Variants in GSE1 observed in about 807,000 individuals in gnomAD.
GSE1 encodes genetic suppressor element 1.
Under a neutral mutation model 112.6 loss-of-function variants are expected in GSE1, and 32 were observed. The observed-to-expected ratio is 0.28, with a 90% CI of 0.21 to 0.38. GSE1 has a LOEUF of 0.38. Among genes scored for constraint, GSE1 ranks in the 10% least tolerant of loss-of-function variants. The probability of loss-of-function intolerance (pLI) is 1.00; values close to 1 mark genes in which losing one functional copy is unlikely to be tolerated. For missense variants in GSE1, 2,348 were observed against 1,699.2 expected (o/e 1.38, Z -6.71); for synonymous variants, 1,115 against 735.6 (o/e 1.52, Z -8.35).
chr16:85,642,502 A>AG (rs2050524907), intron 2 of GSE1, among the ~76,000 whole-genome samples: 1 of 152,080 alleles, frequency 6.6e-6, no homozygotes, highest in African/African-American at 2.4e-5. Context: ...GGGCTGAGAC[A>AG]GGGGTCTGTC....
chr16:85,541,833 C>A (rs979479003), intron 2 of GSE1, among the ~76,000 whole-genome samples: 1 of 152,154 alleles, frequency 6.6e-6, no homozygotes, highest in Non-Finnish European at 1.5e-5. Context: ...CTTGGTGTGA[C>A]CTTGGGCTGA....
rs1213601239 is a variant in GSE1, at chr16:85,673,507, T to C, written c.*968T>C. Reference sequence around the variant, plus strand: ...AAAAAAAAAAAAACCTTGCTTTTAGTGTTTGTACTGCTGCTGGTCAGGACA... The same window carrying C: ...AAAAAAAAAAAAACCTTGCTTTTAGCGTTTGTACTGCTGCTGGTCAGGACA... On this transcript the variant is annotated 3_prime_UTR_variant, in exon 16 of 16. Coordinates refer to ENST00000253458, the MANE Select transcript of GSE1 (RefSeq NM_014615.5). 3 of 151,118 alleles carry C rather than the reference T, an allele frequency of 2.0e-5. No individual in the cohort carries two copies. Among genetic ancestry groups the C allele is most frequent in the African/African-American group, 4.9e-5 (2 of 41,032 alleles). 9.4% of individuals were successfully genotyped at this position (151,118 alleles called of 1,614,324 possible). A position where few individuals can be genotyped will look rare whatever the true frequency, so the allele number is the denominator to read the frequency against.
Position 85,171,780 on chromosome 16 carries a change from G to A in GSE1, c.2256G>A (p.Trp752Ter). ...TCACCCGCCAAGGACCCATGAGCTG[G>A]AGCTCCCCGGTGGCAGCAGCGACGA... The change falls in exon 1 of 3, where the codon TGG becomes TGA. Residue 752 changes from tryptophan (W) to a stop codon, truncating the protein, a stop_gained. Transcript: ENST00000637419. LOFTEE classifies it high-confidence loss of function. 1 of 985,620 alleles carries A rather than the reference G, an allele frequency of 1.0e-6. No homozygotes were observed. Among genetic ancestry groups the A allele is most frequent in the Non-Finnish European group, 1.2e-6 (1 of 830,070 alleles). The allele number at this position is 985,620 out of a possible 1,614,324, so 61.1% of individuals were successfully genotyped here. A position where few individuals can be genotyped will look rare whatever the true frequency, so the allele number is the denominator to read the frequency against.
chr16:85,313,711 C>T (rs114331025), intron 1 of GSE1, among the ~76,000 whole-genome samples: 7,330 of 152,284 alleles, frequency 0.048, 611 homozygotes, highest in African/African-American at 0.17. Flanking sequence ...AGGAAGCCCG[C>T]GGAGAGCTGT....
intron 11 of GSE1, among the ~76,000 whole-genome samples, chr16:85,664,286 C>G (rs1308459568): frequency 6.6e-6 from 1 of 152,240 alleles, no homozygotes; most frequent in African/African-American, 2.4e-5. Context: ...TCGTGGGCCC[C>G]TGGCCTCCTC....
chr16:85,354,950 C>T (rs2046921891), intron 1 of GSE1, among the ~76,000 whole-genome samples: 1 of 152,194 alleles, frequency 6.6e-6, no homozygotes, highest in African/African-American at 2.4e-5. Flanking sequence ...TACCCTGGGC[C>T]CTGAGTGAGT....
chr16:85,522,552 G>A (rs1454595502), intron 2 of GSE1, among the ~76,000 whole-genome samples: 1 of 152,224 alleles, frequency 6.6e-6, no homozygotes, highest in African/African-American at 2.4e-5. Context: ...TGTGTCTCCG[G>A]CCTTAGCTCA....
At chr16:85,266,949 G>A (rs1908308405) in intron 1 of GSE1, among the ~76,000 whole-genome samples, 2 of 152,178 alleles carry the variant, frequency 1.3e-5, no homozygotes, top group African/African-American at 2.4e-5. Flanking sequence ...TGCTCAGCGC[G>A]GGGACAGGAG....
chr16:85,657,635 G>A (rs2052079274), intron 8 of GSE1, 31 bp downstream of exon 8: 1 of 1,418,174 alleles, frequency 7.1e-7, no homozygotes. Flanking sequence ...AAGGAGGGAT[G>A]AGCCTTCACG....
At position 85,319,281 on chromosome 16, in the gene GSE1, C is replaced by T. The variant is rs139257613; in HGVS notation, c.2284-38182C>T. Among the ~76,000 whole-genome samples, 602 of 152,330 alleles carry T rather than the reference C, an allele frequency of 4.0e-3. 3 individuals are homozygous for T. The highest frequency in any genetic ancestry group is 0.014 in the African/African-American group (570 of 41,572). On this transcript the variant is annotated intron_variant, in intron 1 of 2. Transcript: ENST00000637419. ...AGGCGTGTGACCCAGAACTTGCGATCGGTGCCAGGGCACTGGGTGGGACAG... is the reference window on the plus strand; with the variant it reads ...AGGCGTGTGACCCAGAACTTGCGATTGGTGCCAGGGCACTGGGTGGGACAG...
intron 1 of GSE1, among the ~76,000 whole-genome samples, chr16:85,597,384 AAAAAAAAAAAAAAAG>A (rs1310009832): frequency 1.3e-5 from 2 of 150,390 alleles, no homozygotes; most frequent in African/African-American, 4.9e-5. Context: ...AAAAAAAAAA[AAAAAAAAAAAAAAAG>A]AAGAAGAAAG....
intron 1 of GSE1, among the ~76,000 whole-genome samples, chr16:85,323,621 A>G (rs777667299): frequency 6.6e-6 from 1 of 152,082 alleles, no homozygotes; most frequent in Non-Finnish European, 1.5e-5. Flanking sequence ...GAACCTGCCA[A>G]CTCTCAGAGG....
chr16:85,237,800 C>T (rs1051209018), intron 1 of GSE1, among the ~76,000 whole-genome samples: 1 of 150,212 alleles, frequency 6.7e-6, no homozygotes, highest in African/African-American at 2.5e-5. Flanking sequence ...ATCGCGCCAC[C>T]GCACTCCAGT....
chr16:85,359,552 G>T (rs891591003), intron 2 of GSE1: 1 of 375,356 alleles, frequency 2.7e-6, no homozygotes, highest in Non-Finnish European at 5.4e-6. Flanking sequence ...TAGAGGTTTC[G>T]TGGCAACCTC....
intron 1 of GSE1, among the ~76,000 whole-genome samples, chr16:85,263,230 T>A (rs771143968): frequency 2.6e-5 from 4 of 152,162 alleles, no homozygotes. Flanking sequence ...GTTAGCATCA[T>A]GCTTGTTTAG....
intron 1 of GSE1, among the ~76,000 whole-genome samples, chr16:85,192,966 C>T (rs1377662830): frequency 2.6e-5 from 4 of 152,312 alleles, no homozygotes; most frequent in African/African-American, 9.6e-5. Context: ...TGGCGTCTGG[C>T]CGACTAGGGC....
At chr16:85,218,313 G>T (rs924308633) in intron 1 of GSE1, among the ~76,000 whole-genome samples, 1 of 152,180 alleles carries the variant, frequency 6.6e-6, no homozygotes, top group African/African-American at 2.4e-5. Flanking sequence ...CCAAGTCCGT[G>T]TGTTACCCTG....
chr16:85,502,039 G>T (rs898975278), intron 2 of GSE1, among the ~76,000 whole-genome samples: 2 of 152,224 alleles, frequency 1.3e-5, no homozygotes, highest in Non-Finnish European at 2.9e-5. Context: ...CTTGCAGGAA[G>T]ATCCCGGGAG....
intron 1 of GSE1, among the ~76,000 whole-genome samples, chr16:85,315,052 C>G (rs2045958334): frequency 6.6e-6 from 1 of 152,230 alleles, no homozygotes; most frequent in Admixed American, 6.5e-5. Context: ...AAGCCAAGGC[C>G]CAGTGAAGAT....
Sources: allele counts gnomAD v4.1 joint callset (sites outside exome capture counted in the v4.1 genomes callset), GRCh38; gene constraint gnomAD v4.1.1; transcripts MANE v1.5; gene names NCBI Gene and HGNC (gene_info 2026-07-23, HGNC 2026-07-21).